Variants in PAN3 observed in about 807,000 individuals in gnomAD.
The protein encoded by PAN3 is poly(A) specific ribonuclease subunit PAN3.
In PAN3, 19 loss-of-function variants were observed where a neutral mutation model predicts 96.2. The ratio of observed to expected loss-of-function variants is 0.20; its 90% CI spans 0.14 to 0.29. The LOEUF is 0.29. Ranked by LOEUF, PAN3 falls within the 10% of genes least tolerant of loss-of-function variation. PAN3 has a pLI of 1.00. For missense variants in PAN3, 882 were observed against 1,108.1 expected, an observed-to-expected ratio of 0.80 and a Z score of 2.90; for synonymous variants, 433 against 406.6, an observed-to-expected ratio of 1.06 and a Z score of -0.78.
chr13:28,204,289 C>G (rs1879095652), intron 5 of PAN3, among the ~76,000 whole-genome samples: 1 of 152,220 alleles, frequency 6.6e-6, no homozygotes, highest in Non-Finnish European at 1.5e-5. Flanking sequence ...TTACCTGTCA[C>G]TTTGCCTGAC....
intron 15 of PAN3, among the ~76,000 whole-genome samples, chr13:28,279,055 T>C (rs529777320): frequency 1.7e-4 from 26 of 150,998 alleles, no homozygotes; most frequent in Non-Finnish European, 3.1e-4. Context: ...ATGAAGAAAA[T>C]AAGAGAATTA....
intron 4 of PAN3, among the ~76,000 whole-genome samples, chr13:28,178,462 G>T (rs942606520): frequency 6.6e-6 from 1 of 152,036 alleles, no homozygotes; most frequent in African/African-American, 2.4e-5. Context: ...GATTTTTGAA[G>T]TATTTTATAA....
intron 1 of PAN3, among the ~76,000 whole-genome samples, chr13:28,165,930 A>T (rs1333947252): frequency 6.6e-6 from 1 of 152,192 alleles, no homozygotes; most frequent in Non-Finnish European, 1.5e-5. Flanking sequence ...ATCACCATCT[A>T]AAGGCCCCAA....
At chr13:28,160,817 T>G (rs1872794823) in intron 1 of PAN3, among the ~76,000 whole-genome samples, 1 of 152,210 alleles carries the variant, frequency 6.6e-6, no homozygotes, top group Non-Finnish European at 1.5e-5. Flanking sequence ...ACTATATCGT[T>G]AGTTCTTTAT....
At chr13:28,237,200 T>A (rs1883193366) in intron 6 of PAN3, among the ~76,000 whole-genome samples, 2 of 152,186 alleles carry the variant, frequency 1.3e-5, no homozygotes, top group African/African-American at 4.8e-5. Context: ...GACAGATTTT[T>A]TTTTTTTACA....
intron 6 of PAN3, chr13:28,239,758 G>T: frequency 2.0e-6 from 2 of 999,442 alleles, no homozygotes; most frequent in South Asian, 2.7e-5. Context: ...CTAATCATAA[G>T]GGGTTGCTGT....
At chr13:28,231,901 C>T (rs886099676) in intron 6 of PAN3, among the ~76,000 whole-genome samples, 2 of 151,960 alleles carry the variant, frequency 1.3e-5, no homozygotes, top group Non-Finnish European at 2.9e-5. Context: ...GACCCTGTCT[C>T]TGAAAATGAA....
intron 6 of PAN3, among the ~76,000 whole-genome samples, chr13:28,235,619 T>C (rs934971166): frequency 1.4e-4 from 22 of 151,914 alleles, no homozygotes; most frequent in Admixed American, 1.4e-3. Flanking sequence ...ATCTCCCATT[T>C]CTTTGCTTTT....
intron 1 of PAN3, among the ~76,000 whole-genome samples, chr13:28,159,073 A>C (rs1447334276): frequency 2.0e-5 from 3 of 152,226 alleles, no homozygotes; most frequent in Non-Finnish European, 4.4e-5. Flanking sequence ...AGAACTTAGA[A>C]TTACCATTTG....
chr13:28,160,561 A>G (rs1362260987), intron 1 of PAN3, among the ~76,000 whole-genome samples: 3 of 152,232 alleles, frequency 2.0e-5, no homozygotes, highest in Non-Finnish European at 2.9e-5. Context: ...TGAGATGAAT[A>G]TAGTGATTTT....
At chr13:28,141,454 CTTTTTTTCTTTTT>C (rs1231468857) in intron 1 of PAN3, among the ~76,000 whole-genome samples, 5 of 123,912 alleles carry the variant, frequency 4.0e-5, no homozygotes, top group Admixed American at 8.3e-5. Flanking sequence ...TTTTCTTTTT[CTTTTTTTCTTTTT>C]TTTTTTTTTT....
intron 1 of PAN3, among the ~76,000 whole-genome samples, chr13:28,148,866 T>G (rs1445123828): frequency 3.9e-5 from 6 of 152,204 alleles, no homozygotes; most frequent in Non-Finnish European, 8.8e-5. Context: ...AATATTCCAT[T>G]ATATGTTTAT....
chr13:28,253,897 A>G (rs1209535636), intron 6 of PAN3, among the ~76,000 whole-genome samples: 2 of 152,172 alleles, frequency 1.3e-5, no homozygotes, highest in African/African-American at 2.4e-5. Flanking sequence ...AACTCTTGAT[A>G]CCCTATAGTA....
chr13:28,280,371 C>G, intron 15 of PAN3, 41 bp from the exon 16 acceptor site: 1 of 1,566,980 alleles, frequency 6.4e-7, no homozygotes, highest in Non-Finnish European at 8.7e-7. Flanking sequence ...TTTTAAATTG[C>G]ATGTTGGACA....
intron 6 of PAN3, 141 bp downstream of exon 6, chr13:28,220,519 C>A: frequency 3.0e-6 from 3 of 1,010,448 alleles, no homozygotes; most frequent in Non-Finnish European, 4.0e-6. Flanking sequence ...GTTTTTGGTA[C>A]CATAGGCCAA....
chr13:28,184,906 A>G (rs1336900620), intron 4 of PAN3, among the ~76,000 whole-genome samples: 1 of 152,058 alleles, frequency 6.6e-6, no homozygotes, highest in African/African-American at 2.4e-5. Context: ...GTTTCCCTCC[A>G]TTTTGTTATT....
In PAN3 at chr13:28,287,981, C is replaced by T. The variant is rs1353926024; in HGVS notation, c.2385-3C>T. 1 of 1,604,488 alleles carries T rather than the reference C, an allele frequency of 6.2e-7. No homozygotes were observed. The highest frequency in any genetic ancestry group is 8.5e-7 in the Non-Finnish European group (1 of 1,177,034). ...ACTGAGGTAAAATGTTCATTTCCCC[C>T]AGGTTTCAGAAGGATCCCACTTGGT... On this transcript the variant is annotated splice_polypyrimidine_tract_variant and splice_region_variant and intron_variant, in intron 17 of 18. Coordinates refer to ENST00000380958, the MANE Select transcript of PAN3 (RefSeq NM_175854.8).
chr13:28,286,853 G>T (rs147554408), intron 17 of PAN3, among the ~76,000 whole-genome samples: 74 of 152,268 alleles, frequency 4.9e-4, no homozygotes, highest in Non-Finnish European at 8.8e-4. Flanking sequence ...ACCATATGGT[G>T]AACTTCTCCT....
At chr13:28,237,208 A>G (rs1023130999) in intron 6 of PAN3, among the ~76,000 whole-genome samples, 8 of 148,884 alleles carry the variant, frequency 5.4e-5, no homozygotes, top group Non-Finnish European at 1.2e-4. Flanking sequence ...TTTTTTTTTT[A>G]CATGTTAAGT....
Sources: allele counts gnomAD v4.1 joint callset (sites outside exome capture counted in the v4.1 genomes callset), GRCh38; gene constraint gnomAD v4.1.1; transcripts MANE v1.5; gene names NCBI Gene and HGNC (gene_info 2026-07-23, HGNC 2026-07-21).